Variants in SRSF4 observed in about 807,000 individuals in gnomAD.
SRSF4 encodes serine/arginine-rich splicing factor 4.
SRSF4 carries 12 observed loss-of-function variants against 48.8 expected under a neutral mutation model. The observed-to-expected ratio is 0.25, with a 90% CI of 0.16 to 0.40. The LOEUF is 0.40. SRSF4 is among the 10% of genes least tolerant of loss of function. The pLI is 1.00. For missense variants in SRSF4, 466 were observed against 667.1 expected, an observed-to-expected ratio of 0.70 and a Z score of 3.32; for synonymous variants, 248 against 232.5, an observed-to-expected ratio of 1.07 and a Z score of -0.61.
chr1:29,179,690 C>T (rs1672925395), intron 1 of SRSF4, among the ~76,000 whole-genome samples: 1 of 152,176 alleles, frequency 6.6e-6, no homozygotes, highest in African/African-American at 2.4e-5. Context: ...ACTTCAAGCT[C>T]TAATCTATTC....
Position 29,160,311 on chromosome 1 carries a change from C to A in SRSF4, c.250+64G>T. Reference sequence around the variant, plus strand: ...GTTTAAATGTAATATCAATTAATTACTTTAAAAATTAGCATGATAACAAAA... The same window carrying A: ...GTTTAAATGTAATATCAATTAATTAATTTAAAAATTAGCATGATAACAAAA... On this transcript the variant is annotated intron_variant, in intron 2 of 5. Coordinates refer to ENST00000373795, the MANE Select transcript of SRSF4 (RefSeq NM_005626.5). The A allele has an allele frequency of 2.0e-6, 3 of 1,501,654 alleles. No individual in the cohort carries two copies. The Admixed American group carries it at 7.0e-5, about 35-fold the overall frequency. 93.0% of individuals were successfully genotyped at this position (1,501,654 alleles called of 1,614,324 possible). A position where few individuals can be genotyped will look rare whatever the true frequency, so the allele number is the denominator to read the frequency against.
At chr1:29,161,592 CTTATTTATTTA>C (rs1672595905) in intron 1 of SRSF4, among the ~76,000 whole-genome samples, 1 of 152,160 alleles carries the variant, frequency 6.6e-6, no homozygotes, top group African/African-American at 2.4e-5. Context: ...TTCCAGTTTA[CTTATTTATTTA>C]TTTATTTTAT....
At chr1:29,152,430 C>G (rs1391620095) in intron 4 of SRSF4, among the ~76,000 whole-genome samples, 1 of 152,086 alleles carries the variant, frequency 6.6e-6, no homozygotes, top group Non-Finnish European at 1.5e-5. Context: ...ACCTAAATAA[C>G]AAAACCTGAA....
intron 1 of SRSF4, among the ~76,000 whole-genome samples, chr1:29,162,856 G>A (rs1574195801): frequency 6.6e-6 from 1 of 152,192 alleles, no homozygotes; most frequent in African/African-American, 2.4e-5. Context: ...GTCACAGAAT[G>A]CAACATCCTA....
In SRSF4 at chr1:29,162,516, A is replaced by G. The variant is rs79140458; in HGVS notation, c.108-1999T>C. 6.9e-4 allele frequency among the ~76,000 whole-genome samples: 105 copies of G among 152,348 alleles called. No homozygotes were observed. In the East Asian group the frequency reaches 0.018, roughly 26 times the overall value. ...TTTATCTCTAGATGGATTCAAAACAATAACAACAACAAAAGTGCCCTCCTG... is the reference window on the plus strand; with the variant it reads ...TTTATCTCTAGATGGATTCAAAACAGTAACAACAACAAAAGTGCCCTCCTG... On this transcript the variant is annotated intron_variant, in intron 1 of 5. Transcript: ENST00000373795.
intron 1 of SRSF4, among the ~76,000 whole-genome samples, chr1:29,176,163 A>G (rs1359084547): frequency 2.0e-5 from 3 of 152,172 alleles, no homozygotes; most frequent in Non-Finnish European, 4.4e-5. Flanking sequence ...GAGGCAGGAG[A>G]ATTGCTTGAA....
Position 29,181,787 on chromosome 1 carries a change from A to G in SRSF4, c.-35T>C. 6.5e-7 allele frequency: 1 copy of G among 1,527,168 alleles called. No homozygotes were observed. The highest frequency in any genetic ancestry group is 1.2e-5 in the South Asian group (1 of 83,528). The allele number at this position is 1,527,168 out of a possible 1,614,324, so 94.6% of individuals were successfully genotyped here. A position where few individuals can be genotyped will look rare whatever the true frequency, so the allele number is the denominator to read the frequency against. On this transcript the variant is annotated 5_prime_UTR_variant, in exon 1 of 6. Coordinates refer to ENST00000373795, the MANE Select transcript of SRSF4 (RefSeq NM_005626.5). ...GGCAGTGATGGCTGGCCCCGGCCCC[A>G]GCCCCCCTTAGGCGGCGGCGGGCAA... is the stretch of plus-strand genomic sequence containing the variant.
intron 1 of SRSF4, chr1:29,171,998 T>C (rs966813602): frequency 6.6e-6 from 1 of 152,204 alleles, no homozygotes; most frequent in Non-Finnish European, 1.5e-5. Context: ...ATTTACGCTG[T>C]TAACATTTGG....
intron 1 of SRSF4, among the ~76,000 whole-genome samples, chr1:29,166,561 G>A (rs1460071414): frequency 1.3e-5 from 2 of 152,250 alleles, no homozygotes; most frequent in Admixed American, 1.3e-4. Context: ...CCTGGCAACA[G>A]AGGGTTGTTT....
chr1:29,157,040 T>A (rs1194644704), intron 3 of SRSF4, among the ~76,000 whole-genome samples: 2 of 152,218 alleles, frequency 1.3e-5, no homozygotes, highest in Non-Finnish European at 2.9e-5. Flanking sequence ...AGACAGCATA[T>A]CTTTAACTTA....
intron 3 of SRSF4, among the ~76,000 whole-genome samples, chr1:29,155,423 C>A (rs1040032003): frequency 6.6e-6 from 1 of 152,008 alleles, no homozygotes; most frequent in Non-Finnish European, 1.5e-5. Flanking sequence ...AGAGCAAGAC[C>A]CTACCTCAAA....
At chr1:29,154,977 G>C in intron 3 of SRSF4, 67 bp from the exon 4 acceptor site, 1 of 1,432,308 alleles carries the variant, frequency 7.0e-7, no homozygotes, top group Non-Finnish European at 9.5e-7. Flanking sequence ...GCAATCATCT[G>C]AGTGAATTTT....
At chr1:29,156,977 G>A (rs186482251) in intron 3 of SRSF4, among the ~76,000 whole-genome samples, 3 of 152,332 alleles carry the variant, frequency 2.0e-5, no homozygotes, top group South Asian at 2.1e-4. Flanking sequence ...AAGGCAGTGC[G>A]TCATACACGT....
At chr1:29,159,538 A>T in intron 2 of SRSF4, 52 bp from the exon 3 acceptor site, 4 of 1,343,624 alleles carry the variant, frequency 3.0e-6, no homozygotes, top group Non-Finnish European at 4.2e-6. Flanking sequence ...AAAGGAAAAA[A>T]AATGACACAG....
chr1:29,169,733 T>C (rs531935401), intron 1 of SRSF4: 1 of 152,220 alleles, frequency 6.6e-6, no homozygotes, highest in African/African-American at 2.4e-5. Flanking sequence ...CTCAAGCCCA[T>C]GGTATTGAGT....
intron 3 of SRSF4, among the ~76,000 whole-genome samples, chr1:29,156,832 A>G (rs1418418527): frequency 1.3e-5 from 2 of 152,226 alleles, no homozygotes; most frequent in Non-Finnish European, 2.9e-5. Flanking sequence ...AGTGGGGGCC[A>G]GGGGGCCAAT....
chr1:29,164,957 T>G (rs745950036), intron 1 of SRSF4, among the ~76,000 whole-genome samples: 1 of 152,198 alleles, frequency 6.6e-6, no homozygotes, highest in Non-Finnish European at 1.5e-5. Context: ...AGCAACAAGA[T>G]GCTCAAATTT....
Position 29,148,208 on chromosome 1 carries a change from A to G in SRSF4, c.*202T>C. ...TGAGTAAAAGGGGATTTTCAAAGAG[A>G]AAATTTTTTTCAGTCGAGCAGGAAG... is the stretch of plus-strand genomic sequence containing the variant. On this transcript the variant is annotated 3_prime_UTR_variant, in exon 6 of 6. Transcript: ENST00000373795. 1.3e-6 allele frequency: 1 copy of G among 786,268 alleles called. No homozygotes were observed. The highest frequency in any genetic ancestry group is 1.5e-5 in the South Asian group (1 of 68,268). The allele number at this position is 786,268 out of a possible 1,614,324, so 48.7% of individuals were successfully genotyped here.
rs1224404832 is a variant in SRSF4, at chr1:29,154,984, T to A, written c.364-74A>T. On this transcript the variant is annotated intron_variant, in intron 3 of 5. Transcript: ENST00000373795. ...TATCTAATGCAATCATCTGAGTGAA[T>A]TTTTCCTTTAAGAAATGCCAGCATT... The A allele has an allele frequency of 2.2e-6, 3 of 1,387,784 alleles. No individual in the cohort carries two copies. In the African/African-American group the frequency reaches 4.4e-5, roughly 20 times the overall value. The allele number at this position is 1,387,784 out of a possible 1,614,324, so 86.0% of individuals were successfully genotyped here.
Sources: gnomAD v4.1 joint callset for allele counts (sites outside exome capture counted in the v4.1 genomes callset) on GRCh38, gnomAD v4.1.1 for gene constraint, MANE v1.5 for transcripts, NCBI Gene and HGNC (gene_info 2026-07-23, HGNC 2026-07-21) for gene names.